GALNT18: variants seen among roughly 807,000 people sequenced by gnomAD.
The protein encoded by GALNT18 is GalNAc-transferase 18.
A neutral mutation model predicts 69.5 loss-of-function variants in GALNT18; 44 were observed. The ratio of observed to expected loss-of-function variants is 0.63; its 90% CI spans 0.50 to 0.81. GALNT18 has a LOEUF of 0.81. Ranked by LOEUF, GALNT18 falls within the 40% of genes least tolerant of loss-of-function variation. The probability of loss-of-function intolerance (pLI) is 0.00; values close to 1 mark genes in which losing one functional copy is unlikely to be tolerated. For synonymous variants in GALNT18, 364 were observed against 318.2 expected, an observed-to-expected ratio of 1.14 and a Z score of -1.53; for missense variants, 715 against 810.0, an observed-to-expected ratio of 0.88 and a Z score of 1.42.
rs891563527 is a variant in GALNT18, at chr11:11,600,190, G to GT, written c.235+21168dup. ...AGGAGGAGAAATATACAAATACGTT[G>GT]TTTTTTATAATGGCTTATATAATTA... On this transcript the variant is annotated intron_variant, in intron 1 of 10. Transcript: ENST00000227756. This position sits in a 1 kb window ranked among gnomAD's most constrained non-coding sequence, Gnocchi z 4.8. Among the ~76,000 whole-genome samples, 23 of 151,956 alleles carry GT rather than the reference G, an allele frequency of 1.5e-4. No homozygotes were observed. The highest frequency in any genetic ancestry group is 5.6e-4 in the African/African-American group (23 of 41,404).
At chr11:11,379,886 C>A (rs1165635600) in intron 3 of GALNT18, among the ~76,000 whole-genome samples, 1 of 152,246 alleles carries the variant, frequency 6.6e-6, no homozygotes, top group Non-Finnish European at 1.5e-5. Context: ...TTCTTCATAA[C>A]TGTAAATGGG....
intron 10 of GALNT18, among the ~76,000 whole-genome samples, chr11:11,282,268 C>T (rs976308631): frequency 2.0e-5 from 3 of 152,110 alleles, no homozygotes; most frequent in African/African-American, 7.2e-5. Flanking sequence ...AGCTCAGCAC[C>T]GTGGGAGCAG....
At chr11:11,570,523 G>C (rs1207476697) in intron 1 of GALNT18, among the ~76,000 whole-genome samples, 1 of 152,174 alleles carries the variant, frequency 6.6e-6, no homozygotes, top group Non-Finnish European at 1.5e-5. Context: ...TCCTCCTGGG[G>C]GACCCTGCCC....
chr11:11,535,529 G>T (rs1039331474), intron 1 of GALNT18, among the ~76,000 whole-genome samples: 11 of 152,162 alleles, frequency 7.2e-5, no homozygotes, highest in Non-Finnish European at 1.2e-4. Flanking sequence ...GCTGACTCCT[G>T]GTTCTCATGG....
chr11:11,383,933 C>T lies in GALNT18; in HGVS notation c.596-4669G>A, dbSNP rs574171558. 7.2e-5 allele frequency among the ~76,000 whole-genome samples: 11 copies of T among 152,156 alleles called. No individual in the cohort carries two copies. The highest frequency in any genetic ancestry group is 4.1e-4 in the South Asian group (2 of 4,824). On this transcript the variant is annotated intron_variant, in intron 3 of 10. Transcript: ENST00000227756. The surrounding 1 kb of genome is among the most constrained non-coding windows in gnomAD (Gnocchi z 5.2). ...ATAATTGTAAGTTTCCTGAGGCCTCCGCAGCCATGTGGAACTGTGAGTCAA... is the reference window on the plus strand; with the variant it reads ...ATAATTGTAAGTTTCCTGAGGCCTCTGCAGCCATGTGGAACTGTGAGTCAA...
intron 10 of GALNT18, among the ~76,000 whole-genome samples, chr11:11,274,213 C>T (rs1474860697): frequency 6.6e-6 from 1 of 152,176 alleles, no homozygotes; most frequent in Non-Finnish European, 1.5e-5. Context: ...GGTGTCTATA[C>T]CACCATGGTT....
At chr11:11,535,215 G>C (rs550278381) in intron 1 of GALNT18, among the ~76,000 whole-genome samples, 1 of 152,170 alleles carries the variant, frequency 6.6e-6, no homozygotes, top group Admixed American at 6.5e-5. Context: ...CCTGGCCCCC[G>C]GCCAGTTGGA....
intron 10 of GALNT18, among the ~76,000 whole-genome samples, chr11:11,283,793 G>A (rs1277601411): frequency 6.6e-6 from 1 of 152,138 alleles, no homozygotes; most frequent in Non-Finnish European, 1.5e-5. Context: ...AATTAAACCT[G>A]GCAGGAGAGA....
At chr11:11,274,471 T>C (rs1454099660) in intron 10 of GALNT18, among the ~76,000 whole-genome samples, 1 of 152,166 alleles carries the variant, frequency 6.6e-6, no homozygotes, top group East Asian at 1.9e-4. Context: ...AGGACAGCAG[T>C]CTGAGGTTGA....
chr11:11,586,606 C>G lies in GALNT18; in HGVS notation c.235+34753G>C, dbSNP rs1859232502. ...AGGCTGTAGTCAGGACATAGTTGAT[C>G]TTTTAAAAAAAATAAAACGTTTCAG... On this transcript the variant is annotated intron_variant, in intron 1 of 10. Transcript: ENST00000227756. This position sits in a 1 kb window ranked among gnomAD's most constrained non-coding sequence, Gnocchi z 4.1. 6.6e-6 allele frequency among the ~76,000 whole-genome samples: 1 copy of G among 152,076 alleles called. No individual in the cohort carries two copies. The highest frequency in any genetic ancestry group is 6.5e-5 in the Admixed American group (1 of 15,276).
At chr11:11,401,224 T>C (rs1420862243) in intron 3 of GALNT18, among the ~76,000 whole-genome samples, 4 of 152,180 alleles carry the variant, frequency 2.6e-5, no homozygotes, top group Admixed American at 2.6e-4. Context: ...GAAATCATGA[T>C]ATGTTCAACC....
chr11:11,545,718 C>G (rs373629044), intron 1 of GALNT18, among the ~76,000 whole-genome samples: 20 of 152,292 alleles, frequency 1.3e-4, no homozygotes, highest in African/African-American at 4.6e-4. Flanking sequence ...AAGGTCAGTC[C>G]TTCACTCAGG....
intron 2 of GALNT18, among the ~76,000 whole-genome samples, chr11:11,438,322 C>T (rs1467762476): frequency 6.6e-6 from 1 of 152,186 alleles, no homozygotes; most frequent in Non-Finnish European, 1.5e-5. Context: ...TCAAGACTGT[C>T]CCTCCTTCTG....
Position 11,469,094 on chromosome 11 carries a change from C to T in GALNT18, c.236-20158G>A, listed in dbSNP as rs553529230. The stretch of plus-strand genomic sequence containing the variant: ...GATGAGGCCACCAGGACACAGCACT[C>T]TTTAACCACGTCACTGTGAATCAGC... On this transcript the variant is annotated intron_variant, in intron 1 of 10. Coordinates refer to ENST00000227756, the MANE Select transcript of GALNT18 (RefSeq NM_198516.3). This position sits in a 1 kb window ranked among gnomAD's most constrained non-coding sequence, Gnocchi z 4.2. 3.9e-4 allele frequency among the ~76,000 whole-genome samples: 59 copies of T among 152,306 alleles called. No homozygotes were observed. Among genetic ancestry groups the T allele is most frequent in the Non-Finnish European group, 8.2e-4 (56 of 68,032 alleles).
At chr11:11,301,722 G>C (rs537280124) in intron 9 of GALNT18, among the ~76,000 whole-genome samples, 2 of 152,316 alleles carry the variant, frequency 1.3e-5, no homozygotes, top group African/African-American at 4.8e-5. Flanking sequence ...TCAGTGAGGA[G>C]TCGATCCCAT....
chr11:11,333,601 G>A (rs754891128), intron 7 of GALNT18, among the ~76,000 whole-genome samples: 11 of 152,188 alleles, frequency 7.2e-5, no homozygotes, highest in African/African-American at 1.2e-4. Flanking sequence ...CTGCCTCCTC[G>A]GACCAAGTCC....
chr11:11,554,143 T>C (rs1858270907), intron 1 of GALNT18, among the ~76,000 whole-genome samples: 1 of 152,140 alleles, frequency 6.6e-6, no homozygotes, highest in Non-Finnish European at 1.5e-5. Context: ...CCGACTCAGC[T>C]CAGCAGACCA....
chr11:11,504,185 G>C (rs1433454457), intron 1 of GALNT18, among the ~76,000 whole-genome samples: 3 of 152,184 alleles, frequency 2.0e-5, no homozygotes, highest in Non-Finnish European at 4.4e-5. Flanking sequence ...CAGTAAGTAT[G>C]TGCTAAGTAA....
chr11:11,466,824 A>C (rs1311327451), intron 1 of GALNT18, among the ~76,000 whole-genome samples: 1 of 152,172 alleles, frequency 6.6e-6, no homozygotes, highest in Non-Finnish European at 1.5e-5. Context: ...GGGAAGCAAG[A>C]CAGAAGGGAG....
Sources: allele counts gnomAD v4.1 joint callset (sites outside exome capture counted in the v4.1 genomes callset), GRCh38; gene constraint gnomAD v4.1.1; non-coding constraint Gnocchi (gnomAD v3.1); transcripts MANE v1.5; gene names NCBI Gene and HGNC (gene_info 2026-07-23, HGNC 2026-07-21).